Variants in SLC24A1 observed in about 807,000 individuals in gnomAD.
SLC24A1 encodes the protein sodium/potassium/calcium exchanger 1.
SLC24A1 carries 52 observed loss-of-function variants against 88.1 expected under a neutral mutation model. The observed-to-expected ratio is 0.59, with a 90% CI of 0.47 to 0.74. SLC24A1 has a LOEUF of 0.74. Among genes scored for constraint, SLC24A1 ranks in the 30% least tolerant of loss-of-function variants. SLC24A1 has a pLI of 0.00. For synonymous variants in SLC24A1, 455 were observed against 498.0 expected, an observed-to-expected ratio of 0.91 and a Z score of 1.15; for missense variants, 1,173 against 1,363.3, an observed-to-expected ratio of 0.86 and a Z score of 2.20.
intron 7 of SLC24A1, 95 bp downstream of exon 7, chr15:65,651,037 C>A: frequency 2.0e-6 from 2 of 999,220 alleles, no homozygotes; most frequent in South Asian, 1.4e-5. Context: ...GAGGAAGAGG[C>A]CAGGGACAAC....
In SLC24A1 at chr15:65,654,303, C is replaced by T. The variant is rs1254484452; in HGVS notation, c.*224C>T. ...CCCTGGAGGGGTGGAGTTTCTACCCCTGACTCATGCAGACATCTATTACAT... is the reference window on the plus strand; with the variant it reads ...CCCTGGAGGGGTGGAGTTTCTACCCTTGACTCATGCAGACATCTATTACAT... On this transcript the variant is annotated 3_prime_UTR_variant, in exon 10 of 10. Transcript: ENST00000261892. 12 of 1,354,138 alleles carry T rather than the reference C, an allele frequency of 8.9e-6. No homozygotes were observed. In the East Asian group the frequency reaches 2.8e-4, roughly 32 times the overall value. The allele number at this position is 1,354,138 out of a possible 1,614,324, so 83.9% of individuals were successfully genotyped here.
chr15:65,633,659 C>G (rs2141548661), intron 2 of SLC24A1, among the ~76,000 whole-genome samples: 1 of 152,002 alleles, frequency 6.6e-6, no homozygotes, highest in East Asian at 1.9e-4. Flanking sequence ...GACTCCATCT[C>G]AAAAAATAAA....
At chr15:65,659,546 C>T (rs2075793389), downstream of SLC24A1, 2 of 151,806 alleles carry the variant, frequency 1.3e-5, no homozygotes, top group Non-Finnish European at 2.9e-5. Flanking sequence ...CTATGTTGCT[C>T]AGGCTGGTTT....
chr15:65,624,864 CAT>C lies in SLC24A1; in HGVS notation c.785_786del (p.His262ArgfsTer28). ...MFDSTPTFLT[H>X]EVEANVLTSP... ...TGATAGCACCCCAACTTTTCTGACA[CAT>C]GAGGTAGAAGCAAACGTCTTGACTT... On this transcript the variant is annotated frameshift_variant, in exon 2 of 10. Coordinates refer to ENST00000261892, the MANE Select transcript of SLC24A1 (RefSeq NM_004727.3). LOFTEE classifies it high-confidence loss of function. The C allele has an allele frequency of 3.1e-6, 5 of 1,614,050 alleles. No individual in the cohort carries two copies. Among genetic ancestry groups the C allele is most frequent in the Non-Finnish European group, 4.2e-6 (5 of 1,179,898 alleles).
chr15:65,657,837 A>G (rs2075736059), downstream of SLC24A1, among the ~76,000 whole-genome samples: 2 of 152,200 alleles, frequency 1.3e-5, no homozygotes, highest in African/African-American at 2.4e-5. Flanking sequence ...GGGTTCACTA[A>G]CGCCTACAGG....
At position 65,645,689 on chromosome 15, in the gene SLC24A1, A is replaced by G. The variant is rs761292425; in HGVS notation, c.2218A>G (p.Asn740Asp). 3 of 1,573,890 alleles carry G rather than the reference A, an allele frequency of 1.9e-6. No homozygotes were observed. Among genetic ancestry groups the G allele is most frequent in the Non-Finnish European group, 2.6e-6 (3 of 1,159,588 alleles). Residue 740 changes from asparagine (N) to aspartate (D), a missense_variant, in exon 6 of 10, where the codon AAT becomes GAT. By Grantham distance (23) the Asn-to-Asp change is conservative. Transcript: ENST00000261892. ...VPDIKGDQKE[N>D]PGGQEDVAEA... ...AGACATCAAGGGAGATCAGAAGGAG[A>G]ATCCAGGCGGTCAGGTAGGCACCCA...
chr15:65,642,887 C>A, intron 4 of SLC24A1: 1 of 725,838 alleles, frequency 1.4e-6, no homozygotes, highest in Non-Finnish European at 2.1e-6. Flanking sequence ...CCAGATTGCA[C>A]TTTCCAGCTT....
intron 2 of SLC24A1, among the ~76,000 whole-genome samples, chr15:65,631,567 G>A (rs2074726549): frequency 1.3e-5 from 2 of 152,182 alleles, no homozygotes; most frequent in Admixed American, 6.5e-5. Context: ...ATTCCTGGAA[G>A]AGGGAACAGC....
rs773119489 is a variant in SLC24A1, at chr15:65,624,623, A to G, written c.543A>G (p.Gln181=). 6.3e-7 allele frequency: 1 copy of G among 1,593,796 alleles called. No individual in the cohort carries two copies. Among genetic ancestry groups the G allele is most frequent in the East Asian group, 2.3e-5 (1 of 43,808 alleles). ...AAATGAAGAGCTACAGCCCAACTCA[A>G]GTGAGGGAAAAGGTGAAGTATACTC... ...RGEMKSYSPT[Q]VREKVKYTPS... Residue 181 remains glutamine (Q), a synonymous_variant, in exon 2 of 10, where the codon CAA becomes CAG. Transcript: ENST00000261892.
At chr15:65,628,940 T>C (rs1308845547) in intron 2 of SLC24A1, among the ~76,000 whole-genome samples, 1 of 152,218 alleles carries the variant, frequency 6.6e-6, no homozygotes, top group Non-Finnish European at 1.5e-5. Context: ...GGATGAGCTA[T>C]GTAGAAGTTG....
chr15:65,628,560 A>G (rs2074597062), intron 2 of SLC24A1, among the ~76,000 whole-genome samples: 2 of 152,212 alleles, frequency 1.3e-5, no homozygotes, highest in Non-Finnish European at 2.9e-5. Flanking sequence ...AACATTTCTC[A>G]TAAAACCATA....
In SLC24A1 at chr15:65,624,060, A is replaced by T. The variant is rs1326003676; in HGVS notation, c.-21A>T. 6.5e-7 allele frequency: 1 copy of T among 1,542,736 alleles called. No individual in the cohort carries two copies. Among genetic ancestry groups the T allele is most frequent in the Non-Finnish European group, 8.7e-7 (1 of 1,148,002 alleles). On this transcript the variant is annotated 5_prime_UTR_variant, in exon 2 of 10. An upstream open reading frame in the 5' UTR loses its in-frame stop. Transcript: ENST00000261892. ...TAGGACAGAATGAGAGGCCTTCTGT[A>T]ACCAGATATAACTGGCCAGCATGGG...
In SLC24A1 at chr15:65,650,468, T is replaced by C. The variant is rs1373836032; in HGVS notation, c.2319T>C (p.Ser773=). The C allele has an allele frequency of 6.4e-7, 1 of 1,551,384 alleles. No homozygotes were observed. The highest frequency in any genetic ancestry group is 1.4e-5 in the African/African-American group (1 of 72,994). The change falls in exon 7 of 10, where the codon AGT becomes AGC. Residue 773 remains serine, a synonymous_variant. Transcript: ENST00000261892. The surrounding 1 kb of genome is among the most constrained non-coding windows in gnomAD (Gnocchi z 4.1). ...TAGEGETEEK[S]GGETQPEGEG... ...GTGAAGGTGAAACTGAAGAGAAAAG[T>C]GGAGGTGAAACTCAACCAGAAGGTG...
chr15:65,617,819 G>A (rs1192071424), upstream of SLC24A1, among the ~76,000 whole-genome samples: 1 of 152,226 alleles, frequency 6.6e-6, no homozygotes, highest in Non-Finnish European at 1.5e-5. Flanking sequence ...GGTTTTCAAA[G>A]GGAATGCTTC....
downstream of SLC24A1, chr15:65,660,248 A>C: frequency 1.3e-6 from 2 of 1,525,638 alleles, no homozygotes; most frequent in African/African-American, 1.4e-5. Flanking sequence ...CTGAAGTTTT[A>C]CATTTTTAAA....
In SLC24A1 at chr15:65,625,967, C is replaced by T. The variant is rs923402188; in HGVS notation, c.1887C>T (p.Ser629=). The T allele has an allele frequency of 6.2e-6, 10 of 1,610,948 alleles. No individual in the cohort carries two copies. In the East Asian group the frequency reaches 8.9e-5, roughly 14 times the overall value. The change falls in exon 2 of 10, where the codon AGC becomes AGT. Residue 629 remains serine (S), a synonymous_variant. Coordinates refer to ENST00000261892, the MANE Select transcript of SLC24A1 (RefSeq NM_004727.3). ...AGGTCATGGCCTTAGAAGACCTCAG[C>T]AAGGTAAGGACAAATTGGCTCAGGT... is the stretch of plus-strand genomic sequence containing the variant. ...VAKVMALEDL[S]KPGDGAIAVD... is the part of the protein sequence containing the mutation.
At chr15:65,611,381 G>T (rs892258493), upstream of SLC24A1, 4 of 599,916 alleles carry the variant, frequency 6.7e-6, no homozygotes, top group African/African-American at 7.4e-5. Context: ...AGCCTTGGCT[G>T]GGTTTCCTGC....
rs201036136 is a variant in SLC24A1, at chr15:65,651,778, C to T, written c.2883+19C>T. ...TCACCAGGTGAGTGAACAGCAGGAA[C>T]GAAATCCTCTACCAGCAGGTCCCAA... is the stretch of plus-strand genomic sequence containing the variant. On this transcript the variant is annotated intron_variant, in intron 8 of 9. Coordinates refer to ENST00000261892, the MANE Select transcript of SLC24A1 (RefSeq NM_004727.3). 3.3e-5 allele frequency: 44 copies of T among 1,347,046 alleles called. No homozygotes were observed. Among genetic ancestry groups the T allele is most frequent in the East Asian group, 4.6e-5 (2 of 43,632 alleles). 83.4% of individuals were successfully genotyped at this position (1,347,046 alleles called of 1,614,324 possible). A position where few individuals can be genotyped will look rare whatever the true frequency, so the allele number is the denominator to read the frequency against.
rs769537895 is a variant in SLC24A1, at chr15:65,650,733, G to A, written c.2584G>A (p.Glu862Lys). Reference sequence around the variant, plus strand: ...AAGTGATGGAGGGGATAGCGAAGAGGAGGAAGAGGAGGAGGAAGAGCAGGA... The same window carrying A: ...AAGTGATGGAGGGGATAGCGAAGAGAAGGAAGAGGAGGAGGAAGAGCAGGA... ...GGSDGGDSEE[E>K]EEEEEEQEEE... The change falls in exon 7 of 10, where the codon GAG becomes AAG. Residue 862 changes from glutamate (E) to lysine (K), a missense_variant. Physicochemically the swap from Glu to Lys is moderately conservative, Grantham distance 56. Coordinates refer to ENST00000261892, the MANE Select transcript of SLC24A1 (RefSeq NM_004727.3). The surrounding 1 kb of genome is among the most constrained non-coding windows in gnomAD (Gnocchi z 4.1). 3 of 1,585,378 alleles carry A rather than the reference G, an allele frequency of 1.9e-6. No homozygotes were observed.
Sources: allele counts gnomAD v4.1 joint callset (sites outside exome capture counted in the v4.1 genomes callset), GRCh38; gene constraint gnomAD v4.1.1; non-coding constraint Gnocchi (gnomAD v3.1); transcripts MANE v1.5; gene names NCBI Gene and HGNC (gene_info 2026-07-23, HGNC 2026-07-21).